The following IL7 variants were observed in gnomAD, a reference collection of about 807,000 sequenced individuals.
IL7 encodes the protein interleukin 7.
IL7 carries 3 observed loss-of-function variants against 21.6 expected under a neutral mutation model. The ratio of observed to expected loss-of-function variants is 0.14; its 90% confidence interval spans 0.06 to 0.36. IL7 has a LOEUF of 0.36. IL7 is among the 10% of genes least tolerant of loss of function. The pLI, the probability that IL7 is intolerant of heterozygous loss-of-function variation, is 1.00. For synonymous variants in IL7, 62 were observed against 68.1 expected, an observed-to-expected ratio of 0.91 and a Z score of 0.44; for missense variants, 175 against 200.2, an observed-to-expected ratio of 0.87 and a Z score of 0.76.
intron 3 of IL7, chr8:78,686,576 T>TTCC (rs376863949): frequency 3.3e-6 from 5 of 1,535,986 alleles, no homozygotes; most frequent in Non-Finnish European, 4.4e-6. Context: ...GGTGGCAAAC[T>TTCC]TCCTCCTCCT....
At chr8:78,752,399 C>T (rs1812204990) in intron 2 of IL7, among the ~76,000 whole-genome samples, 1 of 152,082 alleles carries the variant, frequency 6.6e-6, no homozygotes, top group African/African-American at 2.4e-5. Flanking sequence ...CCAACAATTC[C>T]AATGGTTTCC....
At chr8:78,751,515 A>G (rs1262005373) in intron 2 of IL7, among the ~76,000 whole-genome samples, 1 of 152,232 alleles carries the variant, frequency 6.6e-6, no homozygotes, top group East Asian at 1.9e-4. Flanking sequence ...ATTCAGGAAG[A>G]AGGAAAATTA....
At chr8:78,762,284 G>A (rs1812590090) in intron 2 of IL7, 2 of 1,585,032 alleles carry the variant, frequency 1.3e-6, no homozygotes, top group Admixed American at 3.3e-5. Context: ...TAGCTGATCA[G>A]GTGTTTTATC....
chr8:78,722,776 A>G (rs1461410791), intron 3 of IL7, among the ~76,000 whole-genome samples: 1 of 151,974 alleles, frequency 6.6e-6, no homozygotes, highest in Non-Finnish European at 1.5e-5. Context: ...AAAGTAATAT[A>G]TATACAGGAC....
intron 3 of IL7, among the ~76,000 whole-genome samples, chr8:78,703,089 G>A (rs2130569516): frequency 6.6e-6 from 1 of 152,042 alleles, no homozygotes; most frequent in Admixed American, 6.6e-5. Flanking sequence ...TAGAGATAGG[G>A]TTTCCTCATG....
chr8:78,786,097 G>A (rs113191727), intron 2 of IL7, among the ~76,000 whole-genome samples: 1,717 of 152,282 alleles, frequency 0.011, 33 homozygotes, highest in African/African-American at 0.039. Flanking sequence ...ATACAGTTAT[G>A]TGTCACTTAA....
intron 3 of IL7, among the ~76,000 whole-genome samples, chr8:78,705,107 G>C (rs1317652091): frequency 6.6e-6 from 1 of 152,136 alleles, no homozygotes; most frequent in Non-Finnish European, 1.5e-5. Context: ...TTTCATTTCA[G>C]CTGTCTCAGC....
intron 2 of IL7, among the ~76,000 whole-genome samples, chr8:78,767,502 C>A (rs898399680): frequency 6.6e-6 from 1 of 151,936 alleles, no homozygotes; most frequent in Non-Finnish European, 1.5e-5. Flanking sequence ...AAATTATATT[C>A]TCTACCAATC....
At chr8:78,716,767 A>C (rs1263194689), downstream of IL7, among the ~76,000 whole-genome samples, 1 of 152,088 alleles carries the variant, frequency 6.6e-6, no homozygotes, top group Non-Finnish European at 1.5e-5. Context: ...GTAACCCTCA[A>C]CGTTAGAGGA....
chr8:78,692,846 A>AG (rs1464610895), intron 3 of IL7, among the ~76,000 whole-genome samples: 2 of 152,002 alleles, frequency 1.3e-5, no homozygotes, highest in African/African-American at 2.4e-5. Context: ...CTCGTCATTT[A>AG]CATGGAGTAT....
chr8:78,768,617 T>A (rs1224662477), intron 2 of IL7, among the ~76,000 whole-genome samples: 3 of 150,974 alleles, frequency 2.0e-5, no homozygotes, highest in Non-Finnish European at 3.0e-5. Context: ...TTGATGGGGG[T>A]GTTTGTTTTT....
intron 1 of IL7, among the ~76,000 whole-genome samples, chr8:78,802,814 G>A (rs548859039): frequency 3.7e-4 from 56 of 152,096 alleles, no homozygotes; most frequent in Non-Finnish European, 5.7e-4. Context: ...CAGCTTTTAG[G>A]CACTGAACTA....
intron 2 of IL7, among the ~76,000 whole-genome samples, chr8:78,755,635 G>A (rs1402668225): frequency 6.6e-6 from 1 of 151,702 alleles, no homozygotes; most frequent in Non-Finnish European, 1.5e-5. Context: ...CCTTCAGCTA[G>A]TTCATTATGA....
At chr8:78,804,620 C>A (rs375192908) in intron 1 of IL7, among the ~76,000 whole-genome samples, 13 of 152,202 alleles carry the variant, frequency 8.5e-5, no homozygotes, top group Non-Finnish European at 4.4e-5. Context: ...GGGCTGCCAC[C>A]GCTGAGCGGC....
chr8:78,761,942 T>G, intron 2 of IL7: 1 of 1,611,016 alleles, frequency 6.2e-7, no homozygotes, highest in South Asian at 1.1e-5. Flanking sequence ...GTATTCTTTG[T>G]TTTCCTTCTC....
intron 3 of IL7, among the ~76,000 whole-genome samples, chr8:78,694,279 G>C (rs1810322572): frequency 1.0e-5 from 1 of 97,912 alleles, no homozygotes; most frequent in Non-Finnish European, 2.2e-5. Context: ...GTATGGATAT[G>C]TTCCTTGTTT....
intron 2 of IL7, among the ~76,000 whole-genome samples, chr8:78,796,420 A>C (rs183980130): frequency 4.6e-5 from 7 of 152,144 alleles, no homozygotes; most frequent in Admixed American, 1.3e-4. Context: ...TGCATTTTCA[A>C]TTGCATCTTC....
chr8:78,750,291 A>G (rs535956238), intron 2 of IL7, among the ~76,000 whole-genome samples: 6 of 152,158 alleles, frequency 3.9e-5, no homozygotes, highest in Non-Finnish European at 7.4e-5. Context: ...CCAAAAGACT[A>G]AGACCTAATC....
intron 2 of IL7, chr8:78,760,923 C>A: frequency 4.5e-6 from 7 of 1,557,410 alleles, no homozygotes; most frequent in Non-Finnish European, 6.1e-6. Flanking sequence ...GAGGTTTGCC[C>A]CTGGAGGTTT....
Sources: gnomAD v4.1 joint callset for allele counts (sites outside exome capture counted in the v4.1 genomes callset) on GRCh38, gnomAD v4.1.1 for gene constraint, MANE v1.5 for transcripts, NCBI Gene and HGNC (gene_info 2026-07-23, HGNC 2026-07-21) for gene names.